The following MACC1 variants were observed in gnomAD, a reference collection of about 807,000 sequenced individuals.
The protein encoded by MACC1 is MET transcriptional regulator MACC1.
Under a neutral mutation model 70.7 loss-of-function variants are expected in MACC1, and 79 were observed. That is an observed-to-expected ratio of 1.12 (90% CI 0.93 to 1.35). The LOEUF is 1.35. Among genes scored for constraint, MACC1 ranks in the 40% most tolerant of loss-of-function variants. MACC1 has a pLI of 0.00. For missense variants in MACC1, 1,106 were observed against 978.1 expected (o/e 1.13, Z -1.74); for synonymous variants, 361 against 347.2 (o/e 1.04, Z -0.44).
rs975263 is a variant in MACC1 at position 20,158,817 on chromosome 7, G to A, written c.1544C>T (p.Ser515Leu). The change falls in exon 5 of 7, where the codon TCG (serine) becomes TTG (leucine). Residue 515 changes from serine to leucine, a missense_variant. By Grantham distance (145) the Ser-to-Leu change is moderately radical. Coordinates refer to ENST00000400331, the MANE Select transcript of MACC1 (RefSeq NM_182762.4). ...PDPTPNLKRL[S>L]NLPGYLQKKE... is the part of the protein sequence containing the mutation. Reference sequence around the variant, plus strand: ...CTTCTGCAAATAGCCTGGCAGATTCGAGAGTCTTTTTAGGTTTGGGGTTGG... The same window carrying A: ...CTTCTGCAAATAGCCTGGCAGATTCAAGAGTCTTTTTAGGTTTGGGGTTGG... 0.28 allele frequency: 449,822 copies of A among 1,613,700 alleles called. 72,809 individuals carry two copies. Among genetic ancestry groups the A allele is most frequent in the East Asian group, 0.81 (36,168 of 44,862 alleles).
chr7:20,162,188 A>G (rs1231940731), intron 3 of MACC1, among the ~76,000 whole-genome samples: 1 of 152,136 alleles, frequency 6.6e-6, no homozygotes, highest in Non-Finnish European at 1.5e-5. Flanking sequence ...AACTAAGTAA[A>G]TAAACATTTC....
chr7:20,172,917 T>C, intron 1 of MACC1, among the ~76,000 whole-genome samples: 1 of 152,110 alleles, frequency 6.6e-6, no homozygotes, highest in Admixed American at 6.5e-5. Flanking sequence ...AGCCTCAGAG[T>C]TGTCCCCACA....
intron 1 of MACC1, among the ~76,000 whole-genome samples, chr7:20,191,504 G>A (rs966115812): frequency 1.3e-5 from 2 of 152,146 alleles, no homozygotes; most frequent in African/African-American, 4.8e-5. Context: ...AGGAGTTGGT[G>A]CTATCAGTGG....
At chr7:20,186,598 G>T (rs1782591967) in intron 1 of MACC1, among the ~76,000 whole-genome samples, 1 of 151,914 alleles carries the variant, frequency 6.6e-6, no homozygotes, top group South Asian at 2.1e-4. Context: ...TGTGGAAACT[G>T]TGACAATTTA....
chr7:20,157,097 A>G (rs947231062), intron 5 of MACC1, among the ~76,000 whole-genome samples: 1 of 152,184 alleles, frequency 6.6e-6, no homozygotes, highest in African/African-American at 2.4e-5. Flanking sequence ...ACGTGGGCAA[A>G]TTGTCTAACT....
chr7:20,147,973 A>C (rs575509259), intron 6 of MACC1, among the ~76,000 whole-genome samples: 1 of 152,302 alleles, frequency 6.6e-6, no homozygotes, highest in East Asian at 1.9e-4. Flanking sequence ...ACTGACACCA[A>C]TGTTTAAAGA....
intron 1 of MACC1, among the ~76,000 whole-genome samples, chr7:20,178,572 A>G (rs1376851729): frequency 2.0e-5 from 3 of 152,136 alleles, no homozygotes; most frequent in Non-Finnish European, 4.4e-5. Context: ...TAGTTTCACT[A>G]TGGAGTACAC....
chr7:20,196,278 T>G (rs1193255318), intron 1 of MACC1, among the ~76,000 whole-genome samples: 4 of 152,168 alleles, frequency 2.6e-5, no homozygotes, highest in Non-Finnish European at 5.9e-5. Flanking sequence ...CCTCCTGGGT[T>G]CACGCCATTC....
intron 5 of MACC1, among the ~76,000 whole-genome samples, chr7:20,154,645 CT>C (rs749768912): frequency 6.6e-6 from 1 of 152,126 alleles, no homozygotes; most frequent in Non-Finnish European, 1.5e-5. Flanking sequence ...AACCACTTAA[CT>C]AATATGTGTC....
At chr7:20,193,898 A>G (rs937824719) in intron 1 of MACC1, among the ~76,000 whole-genome samples, 23 of 148,984 alleles carry the variant, frequency 1.5e-4, no homozygotes, top group African/African-American at 5.7e-4. Context: ...CCCCGCCCCC[A>G]CACACACCTT....
intron 1 of MACC1, among the ~76,000 whole-genome samples, chr7:20,199,460 G>A (rs1487104508): frequency 6.6e-6 from 1 of 152,224 alleles, no homozygotes; most frequent in Non-Finnish European, 1.5e-5. Flanking sequence ...AGAAAGCAGC[G>A]AAGCACTCAG....
chr7:20,201,781 T>C (rs893596897), intron 1 of MACC1, among the ~76,000 whole-genome samples: 6 of 151,932 alleles, frequency 3.9e-5, no homozygotes, highest in African/African-American at 7.2e-5. Flanking sequence ...GATTATAAAT[T>C]ACCCTTTTGA....
chr7:20,158,485 A>C lies in MACC1; in HGVS notation c.1876T>G (p.Ser626Ala). The C allele has an allele frequency of 6.2e-7, 1 of 1,614,044 alleles. No individual in the cohort carries two copies. Among genetic ancestry groups the C allele is most frequent in the Non-Finnish European group, 8.5e-7 (1 of 1,180,010 alleles). ...TTTCTGGTTGTAAAGACACTATCTGACATAAACATTACTTGCTCCTTTGAA... is the reference window on the plus strand; with the variant it reads ...TTTCTGGTTGTAAAGACACTATCTGCCATAAACATTACTTGCTCCTTTGAA... ...VISKEQVMFM[S>A]DSVFTTRNLL... Residue 626 changes from serine to alanine, a missense_variant, in exon 5 of 7, where the codon TCA becomes GCA. Transcript: ENST00000400331.
intron 6 of MACC1, among the ~76,000 whole-genome samples, chr7:20,143,951 T>C (rs1459970982): frequency 6.6e-6 from 1 of 152,170 alleles, no homozygotes; most frequent in Non-Finnish European, 1.5e-5. Context: ...GTTGGTAAAC[T>C]TTACGATTTA....
rs1465219160 is a variant in MACC1, at chr7:20,138,425, T to G, written c.*2521A>C. On this transcript the variant is annotated 3_prime_UTR_variant, in exon 7 of 7. Coordinates refer to ENST00000400331, the MANE Select transcript of MACC1 (RefSeq NM_182762.4). ...GATCTTGGAGCCTGGAAAAACCCAGTTATTAATCCCCACTATCCCTTCCCA... is the reference window on the plus strand; with the variant it reads ...GATCTTGGAGCCTGGAAAAACCCAGGTATTAATCCCCACTATCCCTTCCCA... 1 of 152,088 alleles carries G rather than the reference T, an allele frequency of 6.6e-6. No homozygotes were observed. The highest frequency in any genetic ancestry group is 2.4e-5 in the African/African-American group (1 of 41,408). 9.4% of individuals were successfully genotyped at this position (152,088 alleles called of 1,614,324 possible).
intron 1 of MACC1, among the ~76,000 whole-genome samples, chr7:20,185,601 A>T (rs1782574978): frequency 6.6e-6 from 1 of 152,216 alleles, no homozygotes; most frequent in African/African-American, 2.4e-5. Context: ...GAAATCAATT[A>T]CTTTTAATAT....
chr7:20,158,060 A>C (rs1782080740), intron 5 of MACC1, 144 bp downstream of exon 5: 1 of 958,150 alleles, frequency 1.0e-6, no homozygotes. Flanking sequence ...TGTAGGAAAA[A>C]CTATATTTGC....
chr7:20,214,399 C>T (rs1481416870), intron 1 of MACC1, among the ~76,000 whole-genome samples: 1 of 152,128 alleles, frequency 6.6e-6, no homozygotes, highest in Non-Finnish European at 1.5e-5. Flanking sequence ...TTCAGTGTTT[C>T]CCAAACTTCA....
intron 1 of MACC1, among the ~76,000 whole-genome samples, chr7:20,203,882 T>G (rs967510867): frequency 2.0e-5 from 3 of 152,152 alleles, no homozygotes; most frequent in African/African-American, 7.2e-5. Context: ...AGCTAACGGC[T>G]GGAAAATTAC....
Sources: allele counts gnomAD v4.1 joint callset (sites outside exome capture counted in the v4.1 genomes callset), GRCh38; gene constraint gnomAD v4.1.1; transcripts MANE v1.5; gene names NCBI Gene and HGNC (gene_info 2026-07-23, HGNC 2026-07-21).